CNGB3: variants seen among roughly 807,000 people sequenced by gnomAD.
The protein encoded by CNGB3 is cyclic nucleotide-gated channel beta-3.
A neutral mutation model predicts 92.8 loss-of-function variants in CNGB3; 86 were observed. That is an observed-to-expected ratio of 0.93 (90% CI 0.78 to 1.11). The LOEUF (loss-of-function observed/expected upper bound fraction) is 1.11, where lower values mean the gene tolerates loss of function less well. Among genes scored for constraint, CNGB3 ranks in the 50% least tolerant of loss-of-function variants. CNGB3 has a pLI of 0.00. For missense variants in CNGB3, 1,026 were observed against 956.8 expected, an observed-to-expected ratio of 1.07 and a Z score of -0.95; for synonymous variants, 333 against 332.7, an observed-to-expected ratio of 1.00 and a Z score of -0.01.
At chr8:86,739,494 G>A (rs2131683651) in intron 2 of CNGB3, among the ~76,000 whole-genome samples, 161 bp downstream of exon 2, 1 of 152,210 alleles carries the variant, frequency 6.6e-6, no homozygotes, top group South Asian at 2.1e-4. Flanking sequence ...ACTGAATGAG[G>A]ATATAAAGTT....
intron 12 of CNGB3, 56 bp from the exon 13 acceptor site, chr8:86,626,136 A>C: frequency 2.9e-6 from 4 of 1,384,596 alleles, no homozygotes; most frequent in Non-Finnish European, 4.1e-6. Flanking sequence ...GAAATAAGTC[A>C]CCAAGGTACA....
At chr8:86,591,986 A>C (rs528635209) in intron 15 of CNGB3, among the ~76,000 whole-genome samples, 1 of 152,336 alleles carries the variant, frequency 6.6e-6, no homozygotes, top group South Asian at 2.1e-4. Flanking sequence ...GCTAGCAATC[A>C]GCGAGACTCC....
chr8:86,657,934 GC>G, intron 6 of CNGB3: 1 of 551,562 alleles, frequency 1.8e-6, no homozygotes, highest in South Asian at 1.4e-5. Flanking sequence ...CCCCTGCCAT[GC>G]CCTGGCCTCC....
At chr8:86,720,836 G>A (rs62525702) in intron 3 of CNGB3, among the ~76,000 whole-genome samples, 952 of 28,300 alleles carry the variant, frequency 0.034, 2 homozygotes, top group African/African-American at 0.093. Context: ...ATATATATAT[G>A]TATACACACA....
At chr8:86,591,589 G>A (rs1247717949) in intron 15 of CNGB3, among the ~76,000 whole-genome samples, 1 of 151,942 alleles carries the variant, frequency 6.6e-6, no homozygotes, top group Non-Finnish European at 1.5e-5. Flanking sequence ...GTCTGTTGGA[G>A]TACCCTGCCG....
chr8:86,724,992 A>G (rs1003456099), intron 3 of CNGB3, among the ~76,000 whole-genome samples: 8 of 152,096 alleles, frequency 5.3e-5, no homozygotes, highest in Non-Finnish European at 1.2e-4. Flanking sequence ...TTTTTGAGCT[A>G]TGCTGATTGA....
intron 15 of CNGB3, among the ~76,000 whole-genome samples, chr8:86,593,182 G>T (rs957228844): frequency 6.6e-6 from 1 of 152,178 alleles, no homozygotes; most frequent in Non-Finnish European, 1.5e-5. Context: ...CCCCTTAGCA[G>T]GTCTTGATTT....
At chr8:86,694,374 G>A (rs1192671776) in intron 3 of CNGB3, among the ~76,000 whole-genome samples, 4 of 150,652 alleles carry the variant, frequency 2.7e-5, no homozygotes, top group East Asian at 4.0e-4. Flanking sequence ...CTTCCCTCCC[G>A]GACGGGGTGG....
intron 6 of CNGB3, chr8:86,658,912 G>C: frequency 1.1e-6 from 1 of 928,880 alleles, no homozygotes. Context: ...TTCTGCTCTA[G>C]CTCCAGCAGC....
chr8:86,599,322 G>A (rs538800759), intron 15 of CNGB3, among the ~76,000 whole-genome samples: 1 of 152,268 alleles, frequency 6.6e-6, no homozygotes, highest in South Asian at 2.1e-4. Flanking sequence ...TGAGGAGGAT[G>A]TATGTTGCCT....
At position 86,599,336 on chromosome 8, in the gene CNGB3, G is replaced by A. The variant is rs191308103; in HGVS notation, c.1781+4757C>T. Among the ~76,000 whole-genome samples, 1,008 of 152,134 alleles carry A rather than the reference G, an allele frequency of 6.6e-3. 6 individuals carry two copies. Among genetic ancestry groups the A allele is most frequent in the African/African-American group, 0.023 (955 of 41,498 alleles). On this transcript the variant is annotated intron_variant, in intron 15 of 17. Coordinates refer to ENST00000320005, the MANE Select transcript of CNGB3 (RefSeq NM_019098.5). Reference sequence around the variant, plus strand: ...CTGAGGAGGATGTATGTTGCCTCAGGACCCTGGGATGATTGCGTTAACTGC... The same window carrying A: ...CTGAGGAGGATGTATGTTGCCTCAGAACCCTGGGATGATTGCGTTAACTGC...
At chr8:86,607,110 T>G (rs936212549) in intron 14 of CNGB3, among the ~76,000 whole-genome samples, 1 of 152,234 alleles carries the variant, frequency 6.6e-6, no homozygotes, top group Non-Finnish European at 1.5e-5. Context: ...TAGAAGTACA[T>G]AGTGGGTACT....
intron 13 of CNGB3, among the ~76,000 whole-genome samples, chr8:86,620,681 T>C (rs767956131): frequency 6.6e-6 from 1 of 152,168 alleles, no homozygotes; most frequent in East Asian, 1.9e-4. Flanking sequence ...CTCAGCTCCC[T>C]GGGTGCATAG....
chr8:86,701,636 C>A (rs1181086631), intron 3 of CNGB3, among the ~76,000 whole-genome samples: 1 of 152,112 alleles, frequency 6.6e-6, no homozygotes, highest in Non-Finnish European at 1.5e-5. Flanking sequence ...TTTTAAAATT[C>A]TTTCCCAGTG....
At chr8:86,577,138 G>A (rs1400392852) in intron 17 of CNGB3, among the ~76,000 whole-genome samples, 1 of 152,056 alleles carries the variant, frequency 6.6e-6, no homozygotes, top group East Asian at 1.9e-4. Context: ...AAAAAAGAGA[G>A]AGAGAGAGAG....
intron 2 of CNGB3, among the ~76,000 whole-genome samples, chr8:86,736,115 A>C (rs546421371): frequency 6.6e-6 from 1 of 152,350 alleles, no homozygotes; most frequent in East Asian, 1.9e-4. Context: ...GGCAGATATA[A>C]ATGAAACCAT....
At chr8:86,597,517 G>A (rs1011027697) in intron 15 of CNGB3, among the ~76,000 whole-genome samples, 7 of 152,178 alleles carry the variant, frequency 4.6e-5, no homozygotes, top group Admixed American at 2.0e-4. Flanking sequence ...GGGAGACCTC[G>A]GAGGTCCCTA....
intron 2 of CNGB3, among the ~76,000 whole-genome samples, chr8:86,737,215 T>G (rs1389224061): frequency 2.0e-5 from 3 of 152,172 alleles, no homozygotes; most frequent in Non-Finnish European, 2.9e-5. Context: ...TCAAGAAAAC[T>G]AAAGTGAATT....
rs748730012 is a variant in CNGB3 at position 86,671,108 on chromosome 8, A to G, written c.339-10T>C. On this transcript the variant is annotated splice_polypyrimidine_tract_variant and intron_variant, in intron 3 of 17. Transcript: ENST00000320005. Reference sequence around the variant, plus strand: ...CGGTTTGTTTTGTGGGCTAAATGAGAAAAAAAATGGCAATAGAGATGGGCC... The same window carrying G: ...CGGTTTGTTTTGTGGGCTAAATGAGGAAAAAAATGGCAATAGAGATGGGCC... 6.2e-7 allele frequency: 1 copy of G among 1,608,852 alleles called. No homozygotes were observed. Among genetic ancestry groups the G allele is most frequent in the Admixed American group, 1.7e-5 (1 of 59,864 alleles).
Sources: gnomAD v4.1 joint callset for allele counts (sites outside exome capture counted in the v4.1 genomes callset) on GRCh38, gnomAD v4.1.1 for gene constraint, MANE v1.5 for transcripts, NCBI Gene and HGNC (gene_info 2026-07-23, HGNC 2026-07-21) for gene names.